The following FOXJ3 variants were observed in gnomAD, a reference collection of about 807,000 sequenced individuals.
FOXJ3 encodes the protein forkhead box protein J3.
In FOXJ3, 22 loss-of-function variants were observed where a neutral mutation model predicts 76.1. The observed-to-expected ratio is 0.29, with a 90% CI of 0.21 to 0.41. FOXJ3 has a LOEUF of 0.41. Ranked by LOEUF, FOXJ3 falls within the 10% of genes least tolerant of loss-of-function variation. The pLI, the probability that FOXJ3 is intolerant of heterozygous loss-of-function variation, is 1.00. For synonymous variants in FOXJ3, 269 were observed against 261.2 expected (o/e 1.03, Z -0.29); for missense variants, 613 against 762.1 (o/e 0.80, Z 2.30).
chr1:42,257,125 G>A (rs903205662), intron 4 of FOXJ3, among the ~76,000 whole-genome samples: 1 of 152,216 alleles, frequency 6.6e-6, no homozygotes, highest in Non-Finnish European at 1.5e-5. Context: ...GCAATATACA[G>A]ATGCAGATAT....
At chr1:42,231,151 TTA>T (rs1491127514) in intron 4 of FOXJ3, among the ~76,000 whole-genome samples, 4 of 67,158 alleles carry the variant, frequency 6.0e-5, no homozygotes, top group African/African-American at 1.8e-4. Flanking sequence ...CCGTCTCTAC[TTA>T]AAAAAAAAAA....
At chr1:42,186,769 A>C (rs1646445137) in intron 11 of FOXJ3, among the ~76,000 whole-genome samples, 1 of 152,178 alleles carries the variant, frequency 6.6e-6, no homozygotes, top group Non-Finnish European at 1.5e-5. Context: ...GACCTTTCTT[A>C]CAGACTTAGG....
intron 4 of FOXJ3, among the ~76,000 whole-genome samples, chr1:42,260,913 T>G (rs750961568): frequency 3.3e-5 from 5 of 152,148 alleles, no homozygotes; most frequent in Non-Finnish European, 5.9e-5. Flanking sequence ...GGTTTTAAAC[T>G]TCTTAGCTAT....
At position 42,179,020 on chromosome 1, in the gene FOXJ3, C is replaced by T. The variant is rs1553153138; in HGVS notation, c.*690G>A. The stretch of plus-strand genomic sequence containing the variant: ...TATAATGCAGATTTAGAAAAGCAGA[C>T]ATAAATACTCTATGATCCCCCAAGC... On this transcript the variant is annotated 3_prime_UTR_variant, in exon 13 of 13. Coordinates refer to ENST00000361346, the MANE Select transcript of FOXJ3 (RefSeq NM_014947.5). The T allele has an allele frequency of 2.0e-5, 3 of 152,594 alleles. No homozygotes were observed. The highest frequency in any genetic ancestry group is 4.4e-5 in the Non-Finnish European group (3 of 68,024). The allele number at this position is 152,594 out of a possible 1,614,324, so 9.5% of individuals were successfully genotyped here.
chr1:42,200,556 G>A (rs1191389544), intron 6 of FOXJ3, among the ~76,000 whole-genome samples: 2 of 152,092 alleles, frequency 1.3e-5, no homozygotes, highest in Non-Finnish European at 2.9e-5. Flanking sequence ...TCGGCTCACT[G>A]CAACCTCTGT....
At chr1:42,282,482 A>C (rs1229805727) in intron 2 of FOXJ3, among the ~76,000 whole-genome samples, 2 of 152,188 alleles carry the variant, frequency 1.3e-5, no homozygotes, top group Non-Finnish European at 2.9e-5. Context: ...GAGCAATTAC[A>C]ACCTCAGTTT....
intron 11 of FOXJ3, among the ~76,000 whole-genome samples, chr1:42,186,703 TAA>T (rs774642854): frequency 2.0e-5 from 3 of 152,100 alleles, no homozygotes; most frequent in African/African-American, 4.8e-5. Context: ...CAGCAGCAGA[TAA>T]AGTGTTTTTT....
intron 4 of FOXJ3, among the ~76,000 whole-genome samples, chr1:42,241,929 C>T (rs1246420538): frequency 2.0e-5 from 3 of 152,226 alleles, no homozygotes; most frequent in African/African-American, 4.8e-5. Flanking sequence ...TGAGCATCCA[C>T]ATCCTTAGCA....
At chr1:42,210,923 C>T (rs1303203568) in intron 5 of FOXJ3, among the ~76,000 whole-genome samples, 1 of 152,132 alleles carries the variant, frequency 6.6e-6, no homozygotes, top group African/African-American at 2.4e-5. Context: ...ACTGCTACTC[C>T]CAAGGGAGGG....
intron 4 of FOXJ3, among the ~76,000 whole-genome samples, chr1:42,231,085 C>T (rs988606269): frequency 1.7e-4 from 26 of 151,870 alleles, no homozygotes; most frequent in Admixed American, 1.6e-3. Context: ...GAGGCCAAGG[C>T]AGGCGGATCA....
chr1:42,280,065 T>C (rs1410357974), intron 2 of FOXJ3, among the ~76,000 whole-genome samples: 1 of 152,152 alleles, frequency 6.6e-6, no homozygotes, highest in Non-Finnish European at 1.5e-5. Context: ...TAATTACCTC[T>C]ACCTCCCAGT....
At chr1:42,323,670 T>A (rs1184740295) in intron 1 of FOXJ3, 17 of 975,958 alleles carry the variant, frequency 1.7e-5, no homozygotes, top group Middle Eastern at 5.2e-4. Flanking sequence ...TAAGAGACTA[T>A]GCCTCTTAAT....
intron 4 of FOXJ3, among the ~76,000 whole-genome samples, chr1:42,235,768 G>A (rs1648577180): frequency 6.6e-6 from 1 of 152,088 alleles, no homozygotes; most frequent in Non-Finnish European, 1.5e-5. Context: ...TCACCATGTT[G>A]GCTAGGCTGA....
intron 3 of FOXJ3, among the ~76,000 whole-genome samples, chr1:42,267,779 A>G (rs1353109325): frequency 6.6e-6 from 1 of 152,166 alleles, no homozygotes; most frequent in African/African-American, 2.4e-5. Context: ...AAACTAAAGA[A>G]AGAGACAAAT....
intron 4 of FOXJ3, among the ~76,000 whole-genome samples, chr1:42,241,525 C>T (rs960651221): frequency 1.3e-5 from 2 of 152,204 alleles, no homozygotes; most frequent in African/African-American, 2.4e-5. Flanking sequence ...ATTGCCCCAC[C>T]CACCATGGCT....
chr1:42,280,993 T>G (rs1652664834), intron 2 of FOXJ3, among the ~76,000 whole-genome samples: 1 of 152,180 alleles, frequency 6.6e-6, no homozygotes, highest in African/African-American at 2.4e-5. Flanking sequence ...GCCAGTTACA[T>G]GCATTTTCAT....
intron 4 of FOXJ3, among the ~76,000 whole-genome samples, chr1:42,230,612 T>C (rs1024979561): frequency 1.3e-5 from 2 of 152,212 alleles, no homozygotes; most frequent in African/African-American, 4.8e-5. Context: ...AGGTCAGGCA[T>C]GGAATTTTCC....
intron 4 of FOXJ3, among the ~76,000 whole-genome samples, chr1:42,257,983 A>G (rs1313097597): frequency 1.3e-5 from 2 of 152,188 alleles, no homozygotes; most frequent in African/African-American, 2.4e-5. Flanking sequence ...GTACAAATAA[A>G]CCAAAAATGC....
chr1:42,180,606 A>G (rs2124095097), intron 12 of FOXJ3, among the ~76,000 whole-genome samples: 1 of 152,292 alleles, frequency 6.6e-6, no homozygotes, highest in African/African-American at 2.4e-5. Flanking sequence ...CTGATTACAA[A>G]ATTTCAAGTA....
Sources: gnomAD v4.1 joint callset for allele counts (sites outside exome capture counted in the v4.1 genomes callset) on GRCh38, gnomAD v4.1.1 for gene constraint, MANE v1.5 for transcripts, NCBI Gene and HGNC (gene_info 2026-07-23, HGNC 2026-07-21) for gene names.